Variants in ENKUR observed in about 807,000 individuals in gnomAD.
ENKUR encodes enkurin.
Under a neutral mutation model 27.6 loss-of-function variants are expected in ENKUR, and 19 were observed. The ratio of observed to expected loss-of-function variants is 0.69; its 90% confidence interval spans 0.48 to 1.01. ENKUR has a LOEUF of 1.01. Ranked by LOEUF, ENKUR falls within the 50% of genes least tolerant of loss-of-function variation. ENKUR has a pLI of 0.00. For missense variants in ENKUR, 312 were observed against 310.5 expected (o/e 1.00, Z -0.04); for synonymous variants, 117 against 96.9 (o/e 1.21, Z -1.22).
At chr10:25,033,864 T>A (rs150440588) in intron 2 of ENKUR, among the ~76,000 whole-genome samples, 5 of 148,268 alleles carry the variant, frequency 3.4e-5, no homozygotes, top group Non-Finnish European at 5.9e-5. Flanking sequence ...TCTATCTATC[T>A]ATCAATCATC....
intron 2 of ENKUR, among the ~76,000 whole-genome samples, chr10:24,996,464 A>G (rs568133406): frequency 1.3e-5 from 2 of 152,098 alleles, no homozygotes. Context: ...GTGTATATAT[A>G]TATATATGAA....
chr10:25,060,058 C>T (rs1851308796), intron 2 of ENKUR, among the ~76,000 whole-genome samples: 1 of 152,136 alleles, frequency 6.6e-6, no homozygotes, highest in Non-Finnish European at 1.5e-5. Context: ...ATATATGCAA[C>T]CCTTTTATCT....
intron 2 of ENKUR, among the ~76,000 whole-genome samples, chr10:25,031,344 TAA>T (rs1053507269): frequency 2.6e-5 from 4 of 152,274 alleles, no homozygotes; most frequent in Admixed American, 2.6e-4. Flanking sequence ...TTTTTTTATG[TAA>T]AGATACTTGG....
intron 1 of ENKUR, among the ~76,000 whole-genome samples, chr10:25,006,639 CA>C (rs930920334): frequency 2.6e-5 from 4 of 151,490 alleles, no homozygotes; most frequent in African/African-American, 7.3e-5. Context: ...ATAGCCTCAT[CA>C]AAAAAAACCT....
intron 1 of ENKUR, among the ~76,000 whole-genome samples, chr10:25,015,300 A>G (rs1047402394): frequency 4.6e-5 from 7 of 152,262 alleles, no homozygotes; most frequent in Non-Finnish European, 8.8e-5. Flanking sequence ...TTCCATTTAA[A>G]CCATTAGATC....
At chr10:24,988,268 A>T (rs1169539351) in intron 4 of ENKUR, among the ~76,000 whole-genome samples, 1 of 145,300 alleles carries the variant, frequency 6.9e-6, no homozygotes, top group Non-Finnish European at 1.5e-5. Context: ...ATATATATTT[A>T]TATATATGTG....
upstream of ENKUR, among the ~76,000 whole-genome samples, chr10:25,017,626 T>C (rs533538593): frequency 2.6e-5 from 4 of 152,098 alleles, 1 homozygote; most frequent in Admixed American, 2.0e-4. Context: ...TTTTTCTTTT[T>C]TTTTTTTTTG....
At chr10:25,019,866 T>G (rs1314707619), upstream of ENKUR, among the ~76,000 whole-genome samples, 1 of 152,020 alleles carries the variant, frequency 6.6e-6, no homozygotes, top group Non-Finnish European at 1.5e-5. Context: ...TCCTCAAATC[T>G]TTTTTTTCCA....
chr10:25,001,077 C>A lies in ENKUR; in HGVS notation c.78-1531G>T, dbSNP rs79352348. Among the ~76,000 whole-genome samples the A allele has an allele frequency of 3.3e-3, 504 of 151,974 alleles. 2 individuals are homozygous for A. The highest frequency in any genetic ancestry group is 9.3e-3 in the African/African-American group (385 of 41,502). ...CCATAAATAATTGTGATTATGTTCC[C>A]TTTATATAATTGTATTTTAAATACA... On this transcript the variant is annotated intron_variant, in intron 1 of 5. Transcript: ENST00000331161.
intron 2 of ENKUR, among the ~76,000 whole-genome samples, chr10:24,998,358 C>CCT (rs34059986): frequency 0.01 from 1,198 of 117,354 alleles, 16 homozygotes; most frequent in Middle Eastern, 0.033. Flanking sequence ...TTCCTTCCTT[C>CCT]CTCTCTCTCT....
At chr10:25,026,066 A>G (rs1407492938) in intron 2 of ENKUR, 1 of 154,002 alleles carries the variant, frequency 6.5e-6, no homozygotes, top group Non-Finnish European at 1.5e-5. Flanking sequence ...TTTAATAGAG[A>G]TGAGGTTTCG....
At chr10:25,061,858 C>T (rs1297719737) in intron 1 of ENKUR, among the ~76,000 whole-genome samples, 1 of 152,124 alleles carries the variant, frequency 6.6e-6, no homozygotes, top group African/African-American at 2.4e-5. Context: ...TCAATGACTG[C>T]GTTAGAAACC....
At chr10:25,052,951 T>C (rs1851203672) in intron 2 of ENKUR, among the ~76,000 whole-genome samples, 3 of 151,952 alleles carry the variant, frequency 2.0e-5, no homozygotes, top group Admixed American at 2.0e-4. Context: ...GTATTTTTAC[T>C]AGAGACAGGG....
intron 2 of ENKUR, among the ~76,000 whole-genome samples, chr10:25,049,651 G>A (rs1234914632): frequency 6.6e-6 from 1 of 151,986 alleles, no homozygotes; most frequent in Admixed American, 6.6e-5. Flanking sequence ...AGCCAGATGT[G>A]GTGGCACATG....
At chr10:25,003,193 T>TATTC (rs1850234263) in intron 1 of ENKUR, among the ~76,000 whole-genome samples, 1 of 151,620 alleles carries the variant, frequency 6.6e-6, no homozygotes, top group African/African-American at 2.4e-5. Context: ...TTTATTTATT[T>TATTC]ATTCATTTAT....
intron 2 of ENKUR, among the ~76,000 whole-genome samples, chr10:25,035,395 A>T (rs1850995699): frequency 6.6e-6 from 1 of 152,150 alleles, no homozygotes. Flanking sequence ...TCTCTACTAA[A>T]ACTACAAAAA....
At chr10:25,056,742 C>A (rs1851261345) in intron 2 of ENKUR, among the ~76,000 whole-genome samples, 1 of 152,226 alleles carries the variant, frequency 6.6e-6, no homozygotes, top group Admixed American at 6.5e-5. Flanking sequence ...TAACTGGCAT[C>A]ACCAGAGACT....
chr10:25,025,048 A>G, intron 2 of ENKUR: 1 of 1,614,242 alleles, frequency 6.2e-7, no homozygotes, highest in African/African-American at 1.3e-5. Context: ...TCTAGTTGAG[A>G]AACTTCAGCA....
intron 2 of ENKUR, among the ~76,000 whole-genome samples, chr10:25,026,860 A>G (rs192257675): frequency 2.6e-4 from 40 of 152,042 alleles, no homozygotes; most frequent in Non-Finnish European, 5.9e-5. Flanking sequence ...ATTATATATT[A>G]ACACCAGATC....
Sources: gnomAD v4.1 joint callset for allele counts (sites outside exome capture counted in the v4.1 genomes callset) on GRCh38, gnomAD v4.1.1 for gene constraint, MANE v1.5 for transcripts, NCBI Gene and HGNC (gene_info 2026-07-23, HGNC 2026-07-21) for gene names.